Variants in PRCC observed in about 807,000 individuals in gnomAD.
PRCC encodes the protein proline-rich protein PRCC.
A neutral mutation model predicts 44.0 loss-of-function variants in PRCC; 10 were observed. The ratio of observed to expected loss-of-function variants is 0.23; its 90% confidence interval spans 0.14 to 0.39. The LOEUF (loss-of-function observed/expected upper bound fraction) is 0.39, where lower values mean the gene tolerates loss of function less well. Among genes scored for constraint, PRCC ranks in the 10% least tolerant of loss-of-function variants. The pLI, the probability that PRCC is intolerant of heterozygous loss-of-function variation, is 1.00. For synonymous variants in PRCC, 278 were observed against 259.5 expected, an observed-to-expected ratio of 1.07 and a Z score of -0.69; for missense variants, 573 against 624.7, an observed-to-expected ratio of 0.92 and a Z score of 0.88.
chr1:156,770,280 T>G (rs1254757411), intron 1 of PRCC, among the ~76,000 whole-genome samples: 2 of 152,242 alleles, frequency 1.3e-5, no homozygotes, highest in Non-Finnish European at 2.9e-5. Context: ...CCCATTTTTG[T>G]TCTGTTCAAG....
At chr1:156,769,075 A>G (rs1651528056) in intron 1 of PRCC, among the ~76,000 whole-genome samples, 1 of 152,238 alleles carries the variant, frequency 6.6e-6, no homozygotes, top group African/African-American at 2.4e-5. Context: ...CTTTGGAGAT[A>G]AAGGAGAGAT....
intron 2 of PRCC, 132 bp downstream of exon 2, chr1:156,782,461 G>T: frequency 1.3e-6 from 1 of 792,196 alleles, no homozygotes. Flanking sequence ...TTTAGGTTCG[G>T]CTTTGTTTTT....
chr1:156,769,499 G>A (rs1364887218), intron 1 of PRCC, among the ~76,000 whole-genome samples: 1 of 152,102 alleles, frequency 6.6e-6, no homozygotes, highest in African/African-American at 2.4e-5. Context: ...TGGATATTTT[G>A]TGAGTGAAAG....
chr1:156,793,954 CTTTTT>C (rs147637460), intron 4 of PRCC, among the ~76,000 whole-genome samples: 4 of 101,434 alleles, frequency 3.9e-5, no homozygotes, highest in Non-Finnish European at 5.8e-5. Context: ...TTCTTTCTTT[CTTTTT>C]TTTTTTTTTT....
intron 3 of PRCC, among the ~76,000 whole-genome samples, chr1:156,788,958 G>A (rs114014650): frequency 6.7e-6 from 1 of 149,544 alleles, no homozygotes; most frequent in African/African-American, 2.5e-5. Context: ...GAGCTACCGC[G>A]CCCTGCCTAT....
In PRCC at chr1:156,771,535, T is replaced by A. The variant is rs375098524; in HGVS notation, c.468+3296T>A. ...ATTAGATGTTACACTAAGGAGAGGA[T>A]TCAAGATTGACCCCCACTGCATTTG... On this transcript the variant is annotated intron_variant, in intron 1 of 6. Coordinates refer to ENST00000271526, the MANE Select transcript of PRCC (RefSeq NM_005973.5). Among the ~76,000 whole-genome samples the A allele has an allele frequency of 2.6e-5, 4 of 152,110 alleles. No homozygotes were observed. The East Asian group carries it at 7.7e-4, about 29-fold the overall frequency.
intron 1 of PRCC, among the ~76,000 whole-genome samples, chr1:156,770,288 A>G (rs569367407): frequency 6.5e-4 from 99 of 152,342 alleles, no homozygotes; most frequent in Middle Eastern, 3.4e-3. Flanking sequence ...TGTTCTGTTC[A>G]AGTTGGTCTT....
Position 156,792,028 on chromosome 1 carries a change from A to G in PRCC, c.1179+236A>G, listed in dbSNP as rs1652494978. ...AGGCCAGGGGTGCTTTGGAAGCTCC[A>G]CAGAGTCAGGGATCTAGTCCCCTTC... On this transcript the variant is annotated intron_variant, in intron 4 of 6. Coordinates refer to ENST00000271526, the MANE Select transcript of PRCC (RefSeq NM_005973.5). Among the ~76,000 whole-genome samples the G allele has an allele frequency of 2.8e-5, 4 of 144,338 alleles. No homozygotes were observed. The South Asian group carries it at 9.1e-4, about 33-fold the overall frequency. 94.7% of individuals were successfully genotyped at this position (144,338 alleles called of 152,430 possible). A position where few individuals can be genotyped will look rare whatever the true frequency, so the allele number is the denominator to read the frequency against.
At position 156,800,570 on chromosome 1, in the gene PRCC, G is replaced by C. The variant is rs1475329865; in HGVS notation, c.*110G>C. The C allele has an allele frequency of 9.0e-7, 1 of 1,105,042 alleles. No individual in the cohort carries two copies. The highest frequency in any genetic ancestry group is 1.4e-6 in the Non-Finnish European group (1 of 732,412). 68.5% of individuals were successfully genotyped at this position (1,105,042 alleles called of 1,614,324 possible). On this transcript the variant is annotated 3_prime_UTR_variant, in exon 7 of 7. Coordinates refer to ENST00000271526, the MANE Select transcript of PRCC (RefSeq NM_005973.5). Reference sequence around the variant, plus strand: ...TAAGCCCAGGATCTCTTTCCCCAAGGACCCAGCCCTCGCCTCTGCGAGAAT... The same window carrying C: ...TAAGCCCAGGATCTCTTTCCCCAAGCACCCAGCCCTCGCCTCTGCGAGAAT...
At chr1:156,784,832 G>T (rs1025510014) in intron 2 of PRCC, among the ~76,000 whole-genome samples, 15 of 152,202 alleles carry the variant, frequency 9.9e-5, no homozygotes, top group African/African-American at 3.4e-4. Flanking sequence ...TTTTAGCATA[G>T]AGAAAGCAGA....
rs1421517409 is a variant in PRCC at position 156,782,912 on chromosome 1, A to AT, written c.516+593dup. ...ACTCAGGCAATCAGACAATATATAT[A>AT]TTTTTTTTTTGAGATGGAGTTTCGC... On this transcript the variant is annotated intron_variant, in intron 2 of 6. Transcript: ENST00000271526. Among the ~76,000 whole-genome samples, 508 of 150,270 alleles carry AT rather than the reference A, an allele frequency of 3.4e-3. 3 individuals are homozygous for AT. Among genetic ancestry groups the AT allele is most frequent in the Non-Finnish European group, 4.6e-3 (308 of 67,518 alleles).
chr1:156,782,350 C>T, intron 2 of PRCC, 21 bp downstream of exon 2: 1 of 1,577,032 alleles, frequency 6.3e-7, no homozygotes. Flanking sequence ...TGATATAAAC[C>T]ATTTTTTTTC....
At chr1:156,791,602 C>G in intron 3 of PRCC, 95 bp from the exon 4 acceptor site, 1 of 1,172,416 alleles carries the variant, frequency 8.5e-7, no homozygotes, top group Non-Finnish European at 1.2e-6. Flanking sequence ...ACCATTGCCT[C>G]TTTGATGACA....
Position 156,767,873 on chromosome 1 carries a change from T to A in PRCC, c.102T>A (p.Ala34=). 6.2e-7 allele frequency: 1 copy of A among 1,606,540 alleles called. No individual in the cohort carries two copies. Among genetic ancestry groups the A allele is most frequent in the Non-Finnish European group, 8.5e-7 (1 of 1,177,454 alleles). ...CGGTGGCTCCTACATCTGGGCCCGC[T>A]TTAGGGGGCTTGTTCGCTTCTCTCC... The part of the protein sequence containing the change: ...EEAVAPTSGP[A]LGGLFASLPA... The change falls in exon 1 of 7, where the codon GCT becomes GCA. Residue 34 remains alanine (A), a synonymous_variant. Coordinates refer to ENST00000271526, the MANE Select transcript of PRCC (RefSeq NM_005973.5).
intron 1 of PRCC, among the ~76,000 whole-genome samples, chr1:156,771,080 G>C (rs11264545): frequency 6.6e-6 from 1 of 151,774 alleles, no homozygotes; most frequent in Non-Finnish European, 1.5e-5. Flanking sequence ...GGAGCCCTCT[G>C]GGGGGAGATG....
At chr1:156,797,160 C>T in intron 5 of PRCC, 116 bp from the exon 6 acceptor site, 1 of 1,226,662 alleles carries the variant, frequency 8.2e-7, no homozygotes, top group South Asian at 1.3e-5. Flanking sequence ...ACTTTTCTCC[C>T]CCAGGATTTG....
chr1:156,797,144 GCTCCAACTTTT>G, intron 5 of PRCC, 121 bp from the exon 6 acceptor site: 2 of 1,027,538 alleles, frequency 1.9e-6, no homozygotes, highest in Non-Finnish European at 3.0e-6. Flanking sequence ...GGTAAAAACA[GCTCCAACTTTT>G]CTCCCCCAGG....
chr1:156,773,820 A>G (rs1240415244), intron 1 of PRCC, among the ~76,000 whole-genome samples: 1 of 152,176 alleles, frequency 6.6e-6, no homozygotes, highest in Non-Finnish European at 1.5e-5. Context: ...TAGTAGCAAT[A>G]CTCCCAGTAG....
intron 1 of PRCC, among the ~76,000 whole-genome samples, chr1:156,776,675 G>A (rs1651841097): frequency 6.6e-6 from 1 of 152,146 alleles, no homozygotes. Context: ...GAATATGCTT[G>A]TATAGTTTTA....
Sources: gnomAD v4.1 joint callset for allele counts (sites outside exome capture counted in the v4.1 genomes callset) on GRCh38, gnomAD v4.1.1 for gene constraint, MANE v1.5 for transcripts, NCBI Gene and HGNC (gene_info 2026-07-23, HGNC 2026-07-21) for gene names.